The following SLC2A9 variants were observed in gnomAD, a reference collection of about 807,000 sequenced individuals.
SLC2A9 encodes solute carrier family 2 member 9.
Under a neutral mutation model 50.6 loss-of-function variants are expected in SLC2A9, and 39 were observed. That is an observed-to-expected ratio of 0.77 (90% confidence interval 0.60 to 1.01). SLC2A9 has a LOEUF of 1.01. Among genes scored for constraint, SLC2A9 ranks in the 50% least tolerant of loss-of-function variants. The pLI, the probability that SLC2A9 is intolerant of heterozygous loss-of-function variation, is 0.00. For missense variants in SLC2A9, 686 were observed against 677.6 expected (o/e 1.01, Z -0.14); for synonymous variants, 324 against 276.9 (o/e 1.17, Z -1.69).
At chr4:9,883,140 CA>C (rs1735534418) in intron 10 of SLC2A9, among the ~76,000 whole-genome samples, 1 of 151,682 alleles carries the variant, frequency 6.6e-6, no homozygotes, top group Non-Finnish European at 1.5e-5. Context: ...TCTACACACA[CA>C]CACACACACA....
At chr4:9,860,186 C>T (rs1482150618) in intron 10 of SLC2A9, among the ~76,000 whole-genome samples, 1 of 152,216 alleles carries the variant, frequency 6.6e-6, no homozygotes, top group Non-Finnish European at 1.5e-5. Context: ...CTTCTCCTCC[C>T]TCCCTGTCTG....
intron 3 of SLC2A9, among the ~76,000 whole-genome samples, chr4:9,802,311 A>C (rs534448438): frequency 4.6e-5 from 7 of 151,728 alleles, no homozygotes; most frequent in Admixed American, 1.3e-4. Flanking sequence ...AGAAGTAATG[A>C]ATTTCAAAGA....
rs566754454 is a variant in SLC2A9 at position 9,935,165 on chromosome 4, A to G, written c.814+6748T>C. 2.6e-5 allele frequency among the ~76,000 whole-genome samples: 4 copies of G among 152,334 alleles called. No homozygotes were observed. In the South Asian group the frequency reaches 8.3e-4, roughly 32 times the overall value. On this transcript the variant is annotated intron_variant, in intron 6 of 11. Transcript: ENST00000264784. ...TACAATGATTTATATTCCTTTGGGT[A>G]TATGCCCAGTAATGGGATTGCTGGG...
intron 3 of SLC2A9, among the ~76,000 whole-genome samples, chr4:9,790,679 A>T (rs1046237068): frequency 1.3e-5 from 2 of 152,206 alleles, no homozygotes; most frequent in African/African-American, 4.8e-5. Context: ...TCTGTCCTAG[A>T]ACTACTTGAA....
intron 1 of SLC2A9, chr4:10,035,781 TG>T (rs1285759130): frequency 6.6e-6 from 1 of 152,272 alleles, no homozygotes; most frequent in Non-Finnish European, 1.5e-5. Context: ...TTTGTTTGTT[TG>T]TTTTGTTTTG....
intron 10 of SLC2A9, among the ~76,000 whole-genome samples, chr4:9,850,389 G>T (rs1729684705): frequency 6.6e-6 from 1 of 152,170 alleles, no homozygotes; most frequent in Non-Finnish European, 1.5e-5. Context: ...ATTCCCCAAG[G>T]CTTGCCATGC....
At chr4:9,835,319 C>T (rs1209886443) in intron 10 of SLC2A9, among the ~76,000 whole-genome samples, 1 of 152,142 alleles carries the variant, frequency 6.6e-6, no homozygotes, top group Non-Finnish European at 1.5e-5. Flanking sequence ...AGGTCTATAC[C>T]CTTCCTTTCC....
chr4:9,997,205 A>T (rs1449152307), intron 2 of SLC2A9, among the ~76,000 whole-genome samples: 3 of 152,000 alleles, frequency 2.0e-5, no homozygotes, highest in African/African-American at 7.3e-5. Context: ...ATCCCAAGGT[A>T]CTTTTTTTGT....
chr4:9,869,836 C>T (rs1317415145), intron 10 of SLC2A9, among the ~76,000 whole-genome samples: 1 of 152,236 alleles, frequency 6.6e-6, no homozygotes, highest in African/African-American at 2.4e-5. Context: ...TAGTCCAGTG[C>T]AGTGGGCTGA....
intron 5 of SLC2A9, among the ~76,000 whole-genome samples, chr4:9,950,048 G>T (rs570884504): frequency 1.2e-4 from 18 of 152,128 alleles, no homozygotes; most frequent in African/African-American, 3.9e-4. Flanking sequence ...CATGTGGCTG[G>T]TCGTGTTTGC....
chr4:9,887,727 C>CT, intron 9 of SLC2A9, 85 bp from the exon 10 acceptor site: 1 of 1,153,450 alleles, frequency 8.7e-7, no homozygotes, highest in South Asian at 1.9e-5. Flanking sequence ...CTCCTCCATC[C>CT]ATCTGTGTGA....
intron 7 of SLC2A9, among the ~76,000 whole-genome samples, chr4:9,918,019 C>A (rs149866200): frequency 1.3e-5 from 2 of 152,236 alleles, no homozygotes; most frequent in African/African-American, 4.8e-5. Flanking sequence ...GCAGGCACCA[C>A]CCCTGGGACC....
chr4:9,980,008 C>A (rs1287897297), intron 5 of SLC2A9, among the ~76,000 whole-genome samples: 1 of 149,908 alleles, frequency 6.7e-6, no homozygotes, highest in Admixed American at 6.6e-5. Flanking sequence ...TTGAGTTTAC[C>A]CCACCCCATT....
At chr4:9,772,047 A>G (rs1051598488) in intron 1 of SLC2A9, among the ~76,000 whole-genome samples, 7 of 152,192 alleles carry the variant, frequency 4.6e-5, no homozygotes, top group Non-Finnish European at 1.0e-4. Flanking sequence ...TAATTGGATT[A>G]ATGATTAATA....
chr4:9,951,632 A>T (rs1750279524), intron 5 of SLC2A9, among the ~76,000 whole-genome samples: 1 of 152,084 alleles, frequency 6.6e-6, no homozygotes, highest in Non-Finnish European at 1.5e-5. Flanking sequence ...TTATTTTTAA[A>T]AAAACAGTAA....
intron 3 of SLC2A9, among the ~76,000 whole-genome samples, chr4:9,787,621 C>G (rs2108872101): frequency 6.6e-6 from 1 of 152,332 alleles, no homozygotes; most frequent in South Asian, 2.1e-4. Flanking sequence ...TCCTTTATAA[C>G]AAAACAATCC....
At chr4:9,985,919 G>A in intron 3 of SLC2A9, 126 bp from the exon 4 acceptor site, 1 of 1,340,972 alleles carries the variant, frequency 7.5e-7, no homozygotes, top group South Asian at 1.2e-5. Flanking sequence ...GCACAGTGCA[G>A]GGAGCACTGG....
At chr4:9,876,533 G>C (rs1317192795) in intron 10 of SLC2A9, among the ~76,000 whole-genome samples, 2 of 152,202 alleles carry the variant, frequency 1.3e-5, no homozygotes, top group Admixed American at 1.3e-4. Context: ...GGAGGCTGCA[G>C]TGAGTCATGA....
intron 2 of SLC2A9, chr4:10,006,477 C>G (rs986269034): frequency 1.3e-5 from 2 of 152,190 alleles, no homozygotes; most frequent in Non-Finnish European, 2.9e-5. Context: ...CACCACTGAA[C>G]ACACTGGCAC....
Sources: gnomAD v4.1 joint callset for allele counts (sites outside exome capture counted in the v4.1 genomes callset) on GRCh38, gnomAD v4.1.1 for gene constraint, MANE v1.5 for transcripts, NCBI Gene and HGNC (gene_info 2026-07-23, HGNC 2026-07-21) for gene names.